The following TJP3 variants were observed in gnomAD, a reference collection of about 807,000 sequenced individuals.
TJP3 encodes the protein tight junction protein ZO-3.
Under a neutral mutation model 104.2 loss-of-function variants are expected in TJP3, and 85 were observed. The observed-to-expected ratio is 0.82, with a 90% confidence interval of 0.68 to 0.98. The LOEUF (loss-of-function observed/expected upper bound fraction) is 0.98, where lower values mean the gene tolerates loss of function less well. Among genes scored for constraint, TJP3 ranks in the 50% least tolerant of loss-of-function variants. The pLI, the probability that TJP3 is intolerant of heterozygous loss-of-function variation, is 0.00. For synonymous variants in TJP3, 550 were observed against 550.6 expected (o/e 1.00, Z 0.02); for missense variants, 1,367 against 1,322.8 (o/e 1.03, Z -0.52).
chr19:3,728,840 T>C lies in TJP3; in HGVS notation c.158+127T>C. 3 of 992,228 alleles carry C rather than the reference T, an allele frequency of 3.0e-6. No homozygotes were observed. In the South Asian group the frequency reaches 4.7e-5, roughly 16 times the overall value. The allele number at this position is 992,228 out of a possible 1,614,324, so 61.5% of individuals were successfully genotyped here. A position where few individuals can be genotyped will look rare whatever the true frequency, so the allele number is the denominator to read the frequency against. Reference sequence around the variant, plus strand: ...GGCTGAAGTGGGCGGATCACCTGAGTTCAGGAGTTTGAGACCAGCCTGGCC... The same window carrying C: ...GGCTGAAGTGGGCGGATCACCTGAGCTCAGGAGTTTGAGACCAGCCTGGCC... On this transcript the variant is annotated intron_variant, in intron 3 of 20. Transcript: ENST00000541714.
At chr19:3,718,433 T>C (rs970046901) in intron 1 of TJP3, among the ~76,000 whole-genome samples, 1 of 144,110 alleles carries the variant, frequency 6.9e-6, no homozygotes, top group Admixed American at 7.3e-5. Context: ...AGGACAGGAA[T>C]GCAGCATTTT....
At chr19:3,728,283 C>A in intron 1 of TJP3, 141 bp from the exon 2 acceptor site, 1 of 1,308,370 alleles carries the variant, frequency 7.6e-7, no homozygotes, top group Non-Finnish European at 1.1e-6. Flanking sequence ...AAACCTGAGG[C>A]CCTGAGAGAG....
At chr19:3,712,896 G>A (rs544414455) in intron 1 of TJP3, among the ~76,000 whole-genome samples, 2 of 151,328 alleles carry the variant, frequency 1.3e-5, no homozygotes, top group East Asian at 3.9e-4. Context: ...GCTGCAGTGA[G>A]CTATGATTGC....
intron 1 of TJP3, among the ~76,000 whole-genome samples, chr19:3,713,310 C>T (rs962265289): frequency 1.3e-4 from 20 of 152,224 alleles, no homozygotes; most frequent in African/African-American, 4.6e-4. Flanking sequence ...TCCTTAAAAC[C>T]TCCCAGGGTC....
intron 12 of TJP3, 86 bp downstream of exon 12, chr19:3,738,749 T>A (rs1207925384): frequency 1.5e-6 from 2 of 1,366,318 alleles, no homozygotes; most frequent in African/African-American, 2.9e-5. Flanking sequence ...AGGGATGTGG[T>A]TGAATCTGCA....
chr19:3,724,360 T>C (rs2036576454), intron 1 of TJP3, among the ~76,000 whole-genome samples: 3 of 152,154 alleles, frequency 2.0e-5, no homozygotes, highest in Admixed American at 2.0e-4. Context: ...CACGCCCTGC[T>C]AATTTTTTGT....
intron 1 of TJP3, among the ~76,000 whole-genome samples, chr19:3,711,184 C>T (rs1446936476): frequency 1.7e-5 from 1 of 59,830 alleles, no homozygotes. Flanking sequence ...CAGGCGTGAG[C>T]CACCATGCCC....
Position 3,730,277 on chromosome 19 carries a change from C to T in TJP3, c.262-78C>T. 2.0e-6 allele frequency: 3 copies of T among 1,488,138 alleles called. No homozygotes were observed. Among genetic ancestry groups the T allele is most frequent in the Non-Finnish European group, 2.7e-6 (3 of 1,100,382 alleles). 92.2% of individuals were successfully genotyped at this position (1,488,138 alleles called of 1,614,324 possible). ...GGCCCAGAGAGAGACTGGTGTCCCC[C>T]AGGGCCACCCGGGGGCTGAGCAGAG... On this transcript the variant is annotated intron_variant, in intron 4 of 20. Transcript: ENST00000541714. The surrounding 1 kb of genome is among the most constrained non-coding windows in gnomAD (Gnocchi z 7.3).
chr19:3,712,799 A>T (rs1288949609), intron 1 of TJP3, among the ~76,000 whole-genome samples: 3 of 151,802 alleles, frequency 2.0e-5, no homozygotes, highest in African/African-American at 7.3e-5. Context: ...ATATACAAAA[A>T]TCTGCTGGGC....
chr19:3,716,396 C>G (rs1471608265), intron 1 of TJP3, among the ~76,000 whole-genome samples: 1 of 148,358 alleles, frequency 6.7e-6, no homozygotes, highest in Non-Finnish European at 1.5e-5. Flanking sequence ...CAAAATGTCT[C>G]AAGACGTTGC....
rs531626297 is a variant in TJP3 at position 3,749,685 on chromosome 19, C to T, written c.2611-453C>T. ...AACAGTAACAAATGTGTATGTAGCTCTTAGTGTATATGCCTCAGCATCTTC... is the reference window on the plus strand; with the variant it reads ...AACAGTAACAAATGTGTATGTAGCTTTTAGTGTATATGCCTCAGCATCTTC... On this transcript the variant is annotated intron_variant, in intron 19 of 20. Transcript: ENST00000541714. 4.3e-4 allele frequency: 73 copies of T among 170,576 alleles called. 1 individual carries two copies. The highest frequency in any genetic ancestry group is 1.6e-3 in the African/African-American group (68 of 42,024). The allele number at this position is 170,576 out of a possible 1,614,324, so 10.6% of individuals were successfully genotyped here. A position where few individuals can be genotyped will look rare whatever the true frequency, so the allele number is the denominator to read the frequency against.
At chr19:3,723,830 A>T (rs1026839693) in intron 1 of TJP3, among the ~76,000 whole-genome samples, 3 of 146,952 alleles carry the variant, frequency 2.0e-5, no homozygotes, top group Admixed American at 6.8e-5. Context: ...TATATATATA[A>T]AATAATAAAA....
chr19:3,718,099 G>A (rs953909124), intron 1 of TJP3, among the ~76,000 whole-genome samples: 9 of 150,892 alleles, frequency 6.0e-5, no homozygotes, highest in Non-Finnish European at 1.0e-4. Flanking sequence ...CCAGCTACTC[G>A]GGAGGCTGAG....
At chr19:3,720,782 G>C (rs2036533467) in intron 1 of TJP3, among the ~76,000 whole-genome samples, 1 of 151,720 alleles carries the variant, frequency 6.6e-6, no homozygotes, top group South Asian at 2.1e-4. Flanking sequence ...GGCTGGGTGA[G>C]AAGAAGGAAA....
Position 3,744,033 on chromosome 19 carries a change from A to C in TJP3, c.1938A>C (p.Ala646=), listed in dbSNP as rs776491569. The part of the protein sequence containing the change: ...TAEMPDQFEI[A]ETVSRTDSPS... ...AGATGCCTGACCAGTTTGAAATCGC[A>C]GGTGAGAAGCCAGATCCTCTGGAAA... Residue 646 remains alanine, a splice_region_variant and synonymous_variant, in exon 15 of 21, where the codon GCA becomes GCC. Transcript: ENST00000541714. The C allele has an allele frequency of 1.2e-6, 2 of 1,613,756 alleles. No individual in the cohort carries two copies. Among genetic ancestry groups the C allele is most frequent in the Non-Finnish European group, 1.7e-6 (2 of 1,179,778 alleles).
rs1388151696 is a variant in TJP3, at chr19:3,730,682, C to T, written c.589C>T (p.Leu197=). ...GCAGATGAAGCCTGTGAAGTCAGTGCTGGTGAAGAGGAGAGACAGCGAAGG... is the reference window on the plus strand; with the variant it reads ...GCAGATGAAGCCTGTGAAGTCAGTGTTGGTGAAGAGGAGAGACAGCGAAGG... ...DVQMKPVKSV[L]VKRRDSEEFG... The change falls in exon 5 of 21, where the codon CTG becomes TTG. Residue 197 remains leucine (L), a synonymous_variant. Transcript: ENST00000541714. This position sits in a 1 kb window ranked among gnomAD's most constrained non-coding sequence, Gnocchi z 7.3. 16 of 1,609,350 alleles carry T rather than the reference C, an allele frequency of 9.9e-6. No homozygotes were observed. The highest frequency in any genetic ancestry group is 1.4e-5 in the Non-Finnish European group (16 of 1,179,966).
Position 3,730,419 on chromosome 19 carries a change from G to A in TJP3, c.326G>A (p.Arg109His), listed in dbSNP as rs574813953. Reference protein sequence around the residue: ...ATKASPSSPGRQDSDEDDGPQ... With the variant: ...ATKASPSSPGHQDSDEDDGPQ... Reference sequence around the variant, plus strand: ...AAAGCCAGCCCCTCCAGCCCAGGGCGCCAGGACTCGGATGAAGACGATGGG... The same window carrying A: ...AAAGCCAGCCCCTCCAGCCCAGGGCACCAGGACTCGGATGAAGACGATGGG... The change falls in exon 5 of 21, where the codon CGC (arginine) becomes CAC (histidine). Residue 109 changes from arginine to histidine, a missense_variant. Transcript: ENST00000541714. The surrounding 1 kb of genome is among the most constrained non-coding windows in gnomAD (Gnocchi z 7.3). 3.8e-5 allele frequency: 61 copies of A among 1,587,510 alleles called. No individual in the cohort carries two copies. The highest frequency in any genetic ancestry group is 2.0e-4 in the East Asian group (9 of 44,030).
At position 3,746,424 on chromosome 19, in the gene TJP3, TTCTCTC is replaced by T; in HGVS notation, c.2011-57_2011-52del. 6.4e-7 allele frequency: 1 copy of T among 1,560,218 alleles called. No homozygotes were observed. The highest frequency in any genetic ancestry group is 8.8e-7 in the Non-Finnish European group (1 of 1,138,074). ...CCTCAGACTCTTCATCTTTCTATCT[TTCTCTC>T]TCTGTTTACCCTGCTGCAATCCCCC... On this transcript the variant is annotated intron_variant, in intron 16 of 20. Transcript: ENST00000541714. The surrounding 1 kb of genome is among the most constrained non-coding windows in gnomAD (Gnocchi z 4.1).
rs142629262 is a variant in TJP3, at chr19:3,718,509, C to T, written c.-9-9915C>T. Among the ~76,000 whole-genome samples, 1,363 of 150,356 alleles carry T rather than the reference C, an allele frequency of 9.1e-3. 17 individuals are homozygous for T. The highest frequency in any genetic ancestry group is 0.032 in the African/African-American group (1,311 of 40,794). On this transcript the variant is annotated intron_variant, in intron 1 of 20. Coordinates refer to ENST00000541714, the MANE Select transcript of TJP3 (RefSeq NM_001267560.2). ...GGGTGGACAGGGCCTCACTCTGTGG[C>T]CCAGGCTGGAGTGCAGTGGCGCAAT...
Sources: gnomAD v4.1 joint callset for allele counts (sites outside exome capture counted in the v4.1 genomes callset) on GRCh38, gnomAD v4.1.1 for gene constraint, Gnocchi (gnomAD v3.1) non-coding constraint, MANE v1.5 for transcripts, NCBI Gene and HGNC (gene_info 2026-07-23, HGNC 2026-07-21) for gene names.